The following CA5A variants were observed in gnomAD, a reference collection of about 807,000 sequenced individuals.
The protein encoded by CA5A is carbonic anhydrase 5A, also known as carbonic anhydrase 5A, mitochondrial.
A neutral mutation model predicts 37.1 loss-of-function variants in CA5A; 28 were observed. That is an observed-to-expected ratio of 0.75 (90% CI 0.56 to 1.03). The LOEUF (loss-of-function observed/expected upper bound fraction) is 1.03. Among genes scored for constraint, CA5A ranks in the 50% least tolerant of loss-of-function variants. The probability of loss-of-function intolerance (pLI) is 0.00; values close to 1 mark genes in which losing one functional copy is unlikely to be tolerated. For synonymous variants in CA5A, 171 were observed against 158.4 expected (o/e 1.08, Z -0.60); for missense variants, 444 against 399.9 (o/e 1.11, Z -0.94).
At chr16:87,910,423 G>C (rs868055731) in intron 2 of CA5A, among the ~76,000 whole-genome samples, 2 of 152,110 alleles carry the variant, frequency 1.3e-5, no homozygotes, top group African/African-American at 4.8e-5. Context: ...AGAGAGGTTC[G>C]GTCACCTGCC....
chr16:87,935,718 T>G (rs2056461765), intron 1 of CA5A, among the ~76,000 whole-genome samples: 1 of 150,174 alleles, frequency 6.7e-6, no homozygotes, highest in Non-Finnish European at 1.5e-5. Flanking sequence ...TCTACCAAAA[T>G]ACAAAAAATT....
intron 1 of CA5A, among the ~76,000 whole-genome samples, chr16:87,935,148 C>G (rs528153228): frequency 6.6e-6 from 1 of 152,366 alleles, no homozygotes; most frequent in Non-Finnish European, 1.5e-5. Context: ...TGGGGTCTGG[C>G]TCCTAAGCCC....
intron 2 of CA5A, chr16:87,924,255 A>G (rs2056270833): frequency 1.0e-6 from 1 of 985,434 alleles, no homozygotes; most frequent in African/African-American, 1.7e-5. Flanking sequence ...CCACACGGGA[A>G]GCATCCGCGG....
At chr16:87,922,095 C>T (rs961676679) in intron 2 of CA5A, among the ~76,000 whole-genome samples, 3 of 152,044 alleles carry the variant, frequency 2.0e-5, no homozygotes, top group Non-Finnish European at 4.4e-5. Flanking sequence ...TGGCCTATCA[C>T]GGTGCTGGGG....
chr16:87,923,194 C>T (rs1474989987), intron 2 of CA5A, among the ~76,000 whole-genome samples: 3 of 152,266 alleles, frequency 2.0e-5, no homozygotes, highest in East Asian at 3.9e-4. Flanking sequence ...TAGATGGCAG[C>T]GCTTTTTTTC....
intron 5 of CA5A, among the ~76,000 whole-genome samples, chr16:87,898,564 G>C (rs1023413710): frequency 6.6e-6 from 1 of 152,194 alleles, no homozygotes; most frequent in African/African-American, 2.4e-5. Context: ...GATTGGGCTG[G>C]TGGATTTTCG....
At chr16:87,883,018 A>AATTTG (rs1328559730), downstream of CA5A, 2 of 151,240 alleles carry the variant, frequency 1.3e-5, no homozygotes, top group African/African-American at 4.9e-5. Flanking sequence ...TTCTGGCTAG[A>AATTTG]TTTTGTTTTG....
At chr16:87,930,457 C>A (rs1483879973) in intron 1 of CA5A, among the ~76,000 whole-genome samples, 5 of 152,152 alleles carry the variant, frequency 3.3e-5, no homozygotes, top group African/African-American at 1.2e-4. Flanking sequence ...GCAAGGACCT[C>A]CCCCCTCCGG....
chr16:87,892,097 T>G, intron 5 of CA5A, 143 bp from the exon 6 acceptor site: 1 of 647,078 alleles, frequency 1.5e-6, no homozygotes, highest in Non-Finnish European at 2.5e-6. Context: ...GCTGTCACAC[T>G]TGCAAGCAGT....
downstream of CA5A, chr16:87,885,660 C>T (rs2055642203): frequency 6.6e-6 from 1 of 152,502 alleles, no homozygotes; most frequent in Non-Finnish European, 1.5e-5. Flanking sequence ...CCTCTCTCCT[C>T]ACCCCTGCAC....
At chr16:87,896,872 T>C (rs1349687481) in intron 5 of CA5A, among the ~76,000 whole-genome samples, 2 of 152,248 alleles carry the variant, frequency 1.3e-5, no homozygotes, top group Admixed American at 6.5e-5. Flanking sequence ...ACTCCTGACC[T>C]CAGGTGATCC....
At position 87,936,435 on chromosome 16, in the gene CA5A, T is replaced by C; in HGVS notation, c.16A>G (p.Thr6Ala). The C allele has an allele frequency of 6.2e-7, 1 of 1,613,904 alleles. No homozygotes were observed. Among genetic ancestry groups the C allele is most frequent in the South Asian group, 1.1e-5 (1 of 91,070 alleles). Reference protein sequence around the residue: MLGRNTWKTSAFSFLV... With the variant: MLGRNAWKTSAFSFLV... Reference sequence around the variant, plus strand: ...AAGGAGAAAGCTGAGGTCTTCCAAGTGTTCCTCCCCAACATCTTGGGTCTG... The same window carrying C: ...AAGGAGAAAGCTGAGGTCTTCCAAGCGTTCCTCCCCAACATCTTGGGTCTG... Residue 6 changes from threonine to alanine, a missense_variant, in exon 1 of 7, where the codon ACT becomes GCT. By Grantham distance (58) the Thr-to-Ala change is moderately conservative. Coordinates refer to ENST00000649794, the MANE Select transcript of CA5A (RefSeq NM_001739.2).
At chr16:87,900,215 G>A (rs763417811) in intron 5 of CA5A, among the ~76,000 whole-genome samples, 189 of 152,320 alleles carry the variant, frequency 1.2e-3, no homozygotes, top group Non-Finnish European at 2.2e-3. Context: ...GTGGGAGGTG[G>A]AGGCTGGCTG....
At chr16:87,920,713 G>A (rs1188941180) in intron 2 of CA5A, among the ~76,000 whole-genome samples, 1 of 152,078 alleles carries the variant, frequency 6.6e-6, no homozygotes, top group African/African-American at 2.4e-5. Context: ...CCGCCTCCCA[G>A]GTTCAAGCAA....
At chr16:87,924,310 C>T (rs1354864421) in intron 2 of CA5A, 1 of 985,296 alleles carries the variant, frequency 1.0e-6, no homozygotes, top group Non-Finnish European at 1.2e-6. Flanking sequence ...TGGCACTGAG[C>T]ATACAGGCAG....
chr16:87,888,142 C>T lies in CA5A; in HGVS notation c.905G>A (p.Gly302Asp), dbSNP rs779915484. The T allele has an allele frequency of 6.2e-7, 1 of 1,612,894 alleles. No individual in the cohort carries two copies. Among genetic ancestry groups the T allele is most frequent in the South Asian group, 1.1e-5 (1 of 90,988 alleles). ...VWASFQATNE[G>D]TRS Reference sequence around the variant, plus strand: ...GACCTAATGTCTCTAGGACCTTGTGCCCTCATTAGTGGCCTGGAAGGACGC... The same window carrying T: ...GACCTAATGTCTCTAGGACCTTGTGTCCTCATTAGTGGCCTGGAAGGACGC... The change falls in exon 7 of 7, where the codon GGC becomes GAC. Residue 302 changes from glycine to aspartate, a missense_variant. Physicochemically the swap from Gly to Asp is moderately conservative, Grantham distance 94 (BLOSUM62 -1). Coordinates refer to ENST00000649794, the MANE Select transcript of CA5A (RefSeq NM_001739.2).
At chr16:87,892,672 C>T (rs1231858702) in intron 5 of CA5A, among the ~76,000 whole-genome samples, 2 of 138,054 alleles carry the variant, frequency 1.4e-5, no homozygotes, top group African/African-American at 2.9e-5. Context: ...ACCATCTTAA[C>T]CTTTTTTTTT....
intron 5 of CA5A, among the ~76,000 whole-genome samples, chr16:87,898,311 C>T (rs186821225): frequency 5.3e-5 from 8 of 152,308 alleles, no homozygotes; most frequent in East Asian, 3.9e-4. Context: ...GCTGAGTCCG[C>T]GGGGGAGTGG....
At chr16:87,903,238 C>T (rs2055906882) in intron 3 of CA5A, among the ~76,000 whole-genome samples, 1 of 152,154 alleles carries the variant, frequency 6.6e-6, no homozygotes, top group Admixed American at 6.6e-5. Flanking sequence ...CAAGACCAGC[C>T]TGGCCAAGAT....
Sources: gnomAD v4.1 joint callset for allele counts (sites outside exome capture counted in the v4.1 genomes callset) on GRCh38, gnomAD v4.1.1 for gene constraint, MANE v1.5 for transcripts, NCBI Gene and HGNC (gene_info 2026-07-23, HGNC 2026-07-21) for gene names.